The following CAMK1G variants were observed in gnomAD, a reference collection of about 807,000 sequenced individuals.
CAMK1G encodes the protein calcium/calmodulin-dependent protein kinase type 1G.
CAMK1G carries 27 observed loss-of-function variants against 54.8 expected under a neutral mutation model. The observed-to-expected ratio is 0.49, with a 90% CI of 0.36 to 0.68. The LOEUF (loss-of-function observed/expected upper bound fraction) is 0.68. CAMK1G is among the 30% of genes least tolerant of loss of function. CAMK1G has a pLI of 0.00. For synonymous variants in CAMK1G, 238 were observed against 224.9 expected (o/e 1.06, Z -0.52); for missense variants, 512 against 591.0 (o/e 0.87, Z 1.39).
At chr1:209,611,724 G>T (rs1273547391) in intron 10 of CAMK1G, 68 bp from the exon 11 acceptor site, 10 of 1,565,960 alleles carry the variant, frequency 6.4e-6, no homozygotes, top group African/African-American at 1.4e-5. Flanking sequence ...ACAAGGCAAA[G>T]GGAAAGTTTA....
At chr1:209,604,300 A>G (rs1426985756) in intron 4 of CAMK1G, among the ~76,000 whole-genome samples, 3 of 152,178 alleles carry the variant, frequency 2.0e-5, no homozygotes, top group South Asian at 4.1e-4. Context: ...AGGCACTACA[A>G]TGAGGCCAAG....
intron 3 of CAMK1G, among the ~76,000 whole-genome samples, chr1:209,602,885 T>C (rs1665563391): frequency 1.3e-5 from 2 of 152,226 alleles, no homozygotes; most frequent in African/African-American, 4.8e-5. Context: ...TAACCTAGTG[T>C]TGGGTACTCC....
chr1:209,599,906 C>T (rs1364838032), intron 2 of CAMK1G, 77 bp from the exon 3 acceptor site: 2 of 1,561,668 alleles, frequency 1.3e-6, no homozygotes, highest in East Asian at 4.5e-5. Flanking sequence ...CTGTTACGTC[C>T]TTTCTGAGGT....
intron 1 of CAMK1G, among the ~76,000 whole-genome samples, chr1:209,584,526 G>T (rs1231360226): frequency 6.6e-6 from 1 of 152,112 alleles, no homozygotes; most frequent in Non-Finnish European, 1.5e-5. Context: ...GATCTTAAAA[G>T]GAGGTCTGGA....
chr1:209,611,868 C>G lies in CAMK1G; in HGVS notation c.992C>G (p.Pro331Arg), dbSNP rs759788204. The change falls in exon 11 of 13, where the codon CCA (proline) becomes CGA (arginine). Residue 331 changes from proline to arginine, a missense_variant. By Grantham distance (103) the Pro-to-Arg change is moderately radical. Coordinates refer to ENST00000361322, the MANE Select transcript of CAMK1G (RefSeq NM_020439.3). ...AACCTGCACAGCCCGGGCGTCCGCC[C>G]AGAGGTGGAGAACAGGCCGCCTGAA... Reference protein sequence around the residue: ...HMNLHSPGVRPEVENRPPETQ... With the variant: ...HMNLHSPGVRREVENRPPETQ... The G allele has an allele frequency of 3.1e-6, 5 of 1,614,248 alleles. No individual in the cohort carries two copies. The Admixed American group carries it at 8.3e-5, about 27-fold the overall frequency.
intron 2 of CAMK1G, among the ~76,000 whole-genome samples, chr1:209,597,038 G>A (rs1338107647): frequency 6.6e-6 from 1 of 152,182 alleles, no homozygotes; most frequent in African/African-American, 2.4e-5. Flanking sequence ...AGCTGTTGCA[G>A]AAGTTAGAGC....
chr1:209,584,562 A>G (rs528019418), intron 1 of CAMK1G, among the ~76,000 whole-genome samples: 1 of 152,046 alleles, frequency 6.6e-6, no homozygotes, highest in Non-Finnish European at 1.5e-5. Flanking sequence ...ACCCCCATCC[A>G]CACCATGGCC....
chr1:209,593,945 C>T (rs556923721), intron 1 of CAMK1G, among the ~76,000 whole-genome samples: 3 of 152,202 alleles, frequency 2.0e-5, no homozygotes, highest in African/African-American at 4.8e-5. Flanking sequence ...CACCACCCCC[C>T]ACCATACGGA....
intron 2 of CAMK1G, among the ~76,000 whole-genome samples, chr1:209,598,908 A>T (rs1665452286): frequency 6.6e-6 from 1 of 152,232 alleles, no homozygotes; most frequent in African/African-American, 2.4e-5. Flanking sequence ...GTTCAAGACC[A>T]GTTTGGGCAA....
rs1398302380 is a variant in CAMK1G, at chr1:209,613,204, A to G, written c.*202A>G. On this transcript the variant is annotated 3_prime_UTR_variant, in exon 13 of 13. Transcript: ENST00000361322. Reference sequence around the variant, plus strand: ...ATAGGAGGCCCAGGAGGGAGCCCCAAGGCGTAGAAGCCTTGTTGAAGCTGT... The same window carrying G: ...ATAGGAGGCCCAGGAGGGAGCCCCAGGGCGTAGAAGCCTTGTTGAAGCTGT... The G allele has an allele frequency of 3.2e-5, 9 of 285,006 alleles. No homozygotes were observed. Among genetic ancestry groups the G allele is most frequent in the African/African-American group, 1.9e-4 (9 of 46,738 alleles). The allele number at this position is 285,006 out of a possible 1,614,324, so 17.7% of individuals were successfully genotyped here.
At chr1:209,611,418 G>T in intron 9 of CAMK1G, 47 bp from the exon 10 acceptor site, 1 of 1,579,738 alleles carries the variant, frequency 6.3e-7, no homozygotes, top group Non-Finnish European at 8.7e-7. Context: ...CCCTGGATGA[G>T]TGTAAATAGC....
chr1:209,595,468 C>T (rs1299162679), intron 2 of CAMK1G, among the ~76,000 whole-genome samples: 3 of 152,102 alleles, frequency 2.0e-5, no homozygotes, highest in Non-Finnish European at 4.4e-5. Context: ...CAGTCCCTTT[C>T]CCCCAGGGTT....
At chr1:209,599,179 G>A (rs73081610) in intron 2 of CAMK1G, among the ~76,000 whole-genome samples, 2,071 of 152,234 alleles carry the variant, frequency 0.014, 45 homozygotes, top group African/African-American at 0.045. Flanking sequence ...ACATCATGAG[G>A]GAAACTGCTC....
chr1:209,589,734 A>G (rs967535834), intron 1 of CAMK1G, among the ~76,000 whole-genome samples: 4 of 152,124 alleles, frequency 2.6e-5, no homozygotes, highest in Non-Finnish European at 5.9e-5. Flanking sequence ...CCTTATTTAT[A>G]TATCTGTGTT....
At chr1:209,589,033 T>C (rs199789369) in intron 1 of CAMK1G, among the ~76,000 whole-genome samples, 31,567 of 152,036 alleles carry the variant, frequency 0.21, 3,533 homozygotes, top group East Asian at 0.37. Context: ...GAGCCGAAGC[T>C]AGGAGGCAGG....
chr1:209,600,646 ACCCTCAGGAG>A (rs1665505519), intron 3 of CAMK1G, among the ~76,000 whole-genome samples: 1 of 152,254 alleles, frequency 6.6e-6, no homozygotes, highest in African/African-American at 2.4e-5. Flanking sequence ...AAAATTCCTT[ACCCTCAGGAG>A]CCTATGCTGG....
chr1:209,590,212 G>A (rs185966861), intron 1 of CAMK1G, among the ~76,000 whole-genome samples: 1 of 152,202 alleles, frequency 6.6e-6, no homozygotes, highest in African/African-American at 2.4e-5. Context: ...GATTACAGAA[G>A]TCAAGAGAGG....
intron 1 of CAMK1G, among the ~76,000 whole-genome samples, chr1:209,594,539 G>A (rs1451389356): frequency 6.6e-6 from 1 of 152,222 alleles, no homozygotes; most frequent in Non-Finnish European, 1.5e-5. Flanking sequence ...GTACTAGTGA[G>A]AAAAATTGAG....
chr1:209,590,789 C>G (rs1042555533), intron 1 of CAMK1G, among the ~76,000 whole-genome samples: 1 of 152,116 alleles, frequency 6.6e-6, no homozygotes, highest in African/African-American at 2.4e-5. Context: ...GTTAAATGTT[C>G]AAACCTTTGC....
Sources: gnomAD v4.1 joint callset for allele counts (sites outside exome capture counted in the v4.1 genomes callset) on GRCh38, gnomAD v4.1.1 for gene constraint, MANE v1.5 for transcripts, NCBI Gene and HGNC (gene_info 2026-07-23, HGNC 2026-07-21) for gene names.